Variants in MYH10 observed in about 807,000 individuals in gnomAD.
MYH10 encodes myosin heavy chain 10, also known as myosin-10.
MYH10 carries 55 observed loss-of-function variants against 257.8 expected under a neutral mutation model. The observed-to-expected ratio is 0.21, with a 90% CI of 0.17 to 0.27. The LOEUF is 0.27. MYH10 is among the 10% of genes least tolerant of loss of function. The pLI is 1.00. For synonymous variants in MYH10, 854 were observed against 921.7 expected, an observed-to-expected ratio of 0.93 and a Z score of 1.33; for missense variants, 1,631 against 2,500.6, an observed-to-expected ratio of 0.65 and a Z score of 7.42.
intron 14 of MYH10, among the ~76,000 whole-genome samples, chr17:8,537,499 G>A (rs2082174842): frequency 6.6e-6 from 1 of 152,182 alleles, no homozygotes; most frequent in South Asian, 2.1e-4. Flanking sequence ...TGAAAGAATT[G>A]TCAGGGTTTC....
At chr17:8,514,783 T>G (rs74459273) in intron 21 of MYH10, among the ~76,000 whole-genome samples, 3,445 of 152,272 alleles carry the variant, frequency 0.023, 136 homozygotes, top group African/African-American at 0.078. Flanking sequence ...GCAGTCGGCT[T>G]TCTATCCCAC....
At position 8,489,050 on chromosome 17, in the gene MYH10, C is replaced by T. The variant is rs1381302929; in HGVS notation, c.4884+1290G>A. Among the ~76,000 whole-genome samples, 14 of 152,124 alleles carry T rather than the reference C, an allele frequency of 9.2e-5. No individual in the cohort carries two copies. The South Asian group carries it at 1.2e-3, about 14-fold the overall frequency. ...TTGGGAGATGAGGTCATAAAAGGCC[C>T]GGAAGCTTCCTCCTTGCTTGCTTTC... On this transcript the variant is annotated intron_variant, in intron 35 of 42. Transcript: ENST00000360416.
chr17:8,595,425 C>CT (rs10664342), intron 3 of MYH10, among the ~76,000 whole-genome samples: 13,717 of 83,108 alleles, frequency 0.17, 2,514 homozygotes, highest in Non-Finnish European at 0.2. Flanking sequence ...AAGAACAGTT[C>CT]TTTTTTTTTT....
chr17:8,507,540 C>A (rs1484800229), intron 26 of MYH10, among the ~76,000 whole-genome samples: 1 of 152,224 alleles, frequency 6.6e-6, no homozygotes, highest in Non-Finnish European at 1.5e-5. Flanking sequence ...ATGTCACTGG[C>A]CAGTCCCTTT....
At chr17:8,557,553 C>T (rs768740949) in intron 7 of MYH10, among the ~76,000 whole-genome samples, 1 of 152,182 alleles carries the variant, frequency 6.6e-6, no homozygotes, top group South Asian at 2.1e-4. Flanking sequence ...TCTGACAGCA[C>T]GGCTTTGCAC....
chr17:8,580,769 ATTC>A (rs1180129185), intron 4 of MYH10, among the ~76,000 whole-genome samples: 1 of 152,220 alleles, frequency 6.6e-6, no homozygotes, highest in Non-Finnish European at 1.5e-5. Flanking sequence ...TGTGTCAGGC[ATTC>A]TTCTGAGTGC....
rs115091297 is a variant in MYH10, at chr17:8,615,907, C to T, written c.345+6995G>A. 2.1e-3 allele frequency among the ~76,000 whole-genome samples: 322 copies of T among 152,228 alleles called. 3 individuals carry two copies. The highest frequency in any genetic ancestry group is 6.9e-3 in the African/African-American group (286 of 41,530). Reference sequence around the variant, plus strand: ...TTCCCCTCTGAGATCAGGACTGATACAAGGATGCCTCTGATTATCACTTCT... The same window carrying T: ...TTCCCCTCTGAGATCAGGACTGATATAAGGATGCCTCTGATTATCACTTCT... On this transcript the variant is annotated intron_variant, in intron 2 of 42. Transcript: ENST00000360416.
intron 8 of MYH10, among the ~76,000 whole-genome samples, chr17:8,553,292 G>A (rs1994946): frequency 0.97 from 147,856 of 152,246 alleles, 71,962 homozygotes; most frequent in East Asian, 1. Context: ...ATCATGGTCT[G>A]TCCCTTGAAG....
At chr17:8,525,131 C>T (rs1202717893) in intron 17 of MYH10, among the ~76,000 whole-genome samples, 1 of 152,250 alleles carries the variant, frequency 6.6e-6, no homozygotes, top group Non-Finnish European at 1.5e-5. Flanking sequence ...CCTTTTCTCT[C>T]TGCCTGGAAT....
At chr17:8,499,505 A>C (rs1459697584) in intron 29 of MYH10, 29 bp from the exon 30 acceptor site, 10 of 1,608,236 alleles carry the variant, frequency 6.2e-6, no homozygotes, top group Non-Finnish European at 8.5e-6. Context: ...AACATAATTC[A>C]CTAGTTATTT....
intron 7 of MYH10, among the ~76,000 whole-genome samples, chr17:8,564,530 A>C (rs1191055802): frequency 6.6e-6 from 1 of 152,194 alleles, no homozygotes; most frequent in Non-Finnish European, 1.5e-5. Flanking sequence ...ACCTTCCCCG[A>C]GCTCAACAAC....
At chr17:8,574,734 C>T (rs1239933629) in intron 6 of MYH10, among the ~76,000 whole-genome samples, 2 of 152,162 alleles carry the variant, frequency 1.3e-5, no homozygotes, top group Admixed American at 1.3e-4. Context: ...AATCACAAAC[C>T]AGTGGTATCA....
At chr17:8,625,073 AC>A (rs2085621600) in intron 1 of MYH10, among the ~76,000 whole-genome samples, 1 of 151,908 alleles carries the variant, frequency 6.6e-6, no homozygotes, top group African/African-American at 2.4e-5. Flanking sequence ...ACATGGTGAA[AC>A]CCCATCTCCA....
At position 8,518,672 on chromosome 17, in the gene MYH10, A is replaced by G. The variant is rs2081554988; in HGVS notation, c.2463T>C (p.Ile821=). ...EERDLKITDI[I]IFFQAVCRGY... is the part of the protein sequence containing the mutation. ...CTCTGCAAACGGCCTGGAAGAAGAT[A>G]ATGATATCGGTGATTTTTAAATCTC... The change falls in exon 21 of 43, where the codon ATT becomes ATC. Residue 821 remains isoleucine, a synonymous_variant. Transcript: ENST00000360416. 6.2e-7 allele frequency: 1 copy of G among 1,613,988 alleles called. No individual in the cohort carries two copies. Among genetic ancestry groups the G allele is most frequent in the Non-Finnish European group, 8.5e-7 (1 of 1,180,014 alleles).
intron 17 of MYH10, among the ~76,000 whole-genome samples, chr17:8,522,883 T>A (rs891622961): frequency 1.6e-4 from 24 of 152,190 alleles, no homozygotes; most frequent in Admixed American, 5.9e-4. Flanking sequence ...TACCTGGTGA[T>A]GTCACAGCAC....
chr17:8,481,301 C>G lies in MYH10; in HGVS notation c.5264+21G>C. The G allele has an allele frequency of 2.5e-6, 4 of 1,612,010 alleles. No homozygotes were observed. The South Asian group carries it at 3.3e-5, about 13-fold the overall frequency. ...GCGTGCCTGAGGGCGAAGAACCCAC[C>G]CCCGGCCGTGGGAGACTCACTTGCC... On this transcript the variant is annotated intron_variant, in intron 38 of 42. Coordinates refer to ENST00000360416, the MANE Select transcript of MYH10 (RefSeq NM_001256012.3).
intron 7 of MYH10, among the ~76,000 whole-genome samples, chr17:8,559,270 C>T (rs1334859513): frequency 1.3e-5 from 2 of 152,234 alleles, no homozygotes; most frequent in African/African-American, 4.8e-5. Flanking sequence ...CTGTCAATTT[C>T]CTTCTCACTG....
intron 17 of MYH10, among the ~76,000 whole-genome samples, chr17:8,524,782 A>C (rs1003246236): frequency 6.6e-5 from 10 of 152,192 alleles, no homozygotes; most frequent in Non-Finnish European, 1.3e-4. Flanking sequence ...TCTAAAAGAC[A>C]AAACTAAGTA....
intron 11 of MYH10, among the ~76,000 whole-genome samples, chr17:8,547,112 G>T (rs866142000): frequency 6.6e-6 from 1 of 152,070 alleles, no homozygotes; most frequent in South Asian, 2.1e-4. Context: ...GTAGACAACC[G>T]ACGGGCATAG....
Sources: gnomAD v4.1 joint callset for allele counts (sites outside exome capture counted in the v4.1 genomes callset) on GRCh38, gnomAD v4.1.1 for gene constraint, MANE v1.5 for transcripts, NCBI Gene and HGNC (gene_info 2026-07-23, HGNC 2026-07-21) for gene names.